Variants in ITPR1 observed in about 807,000 individuals in gnomAD.
The protein encoded by ITPR1 is inositol 1,4,5-trisphosphate receptor type 1, also known as inositol 1,4,5-trisphosphate-gated calcium channel ITPR1.
In ITPR1, 96 loss-of-function variants were observed where a neutral mutation model predicts 318.4. The observed-to-expected ratio is 0.30, with a 90% CI of 0.26 to 0.36. The LOEUF (loss-of-function observed/expected upper bound fraction) is 0.36, where lower values mean the gene tolerates loss of function less well. Ranked by LOEUF, ITPR1 falls within the 10% of genes least tolerant of loss-of-function variation. The probability of loss-of-function intolerance (pLI) is 1.00; values close to 1 mark genes in which losing one functional copy is unlikely to be tolerated. For missense variants in ITPR1, 2,440 were observed against 3,460.2 expected, an observed-to-expected ratio of 0.71 and a Z score of 7.40; for synonymous variants, 1,312 against 1,289.9, an observed-to-expected ratio of 1.02 and a Z score of -0.37.
At chr3:4,794,601 G>A (rs545547666) in intron 52 of ITPR1, among the ~76,000 whole-genome samples, 1 of 152,272 alleles carries the variant, frequency 6.6e-6, no homozygotes, top group East Asian at 1.9e-4. Flanking sequence ...GGGGCCCAGC[G>A]GGGCTGACTC....
intron 4 of ITPR1, among the ~76,000 whole-genome samples, chr3:4,610,461 G>A (rs143254012): frequency 6.6e-6 from 1 of 152,314 alleles, no homozygotes; most frequent in East Asian, 1.9e-4. Flanking sequence ...GGAGGATCTC[G>A]ATGACCAAGC....
intron 4 of ITPR1, among the ~76,000 whole-genome samples, chr3:4,566,708 C>G (rs886702688): frequency 1.3e-5 from 2 of 151,994 alleles, no homozygotes; most frequent in Non-Finnish European, 2.9e-5. Context: ...AATGCAGATT[C>G]TTTCCTCCAC....
At chr3:4,495,830 A>G (rs77817661) in intron 2 of ITPR1, among the ~76,000 whole-genome samples, 1,600 of 152,302 alleles carry the variant, frequency 0.011, 34 homozygotes, top group African/African-American at 0.036. Flanking sequence ...AATGGACCTC[A>G]GTTGATTTGG....
chr3:4,780,969 A>G (rs1307913184), intron 49 of ITPR1, among the ~76,000 whole-genome samples: 1 of 152,254 alleles, frequency 6.6e-6, no homozygotes, highest in African/African-American at 2.4e-5. Flanking sequence ...TCTGGCTCAT[A>G]GGAGGAGTCA....
chr3:4,527,270 G>T (rs530729151), intron 4 of ITPR1, among the ~76,000 whole-genome samples: 3 of 152,136 alleles, frequency 2.0e-5, no homozygotes, highest in Non-Finnish European at 4.4e-5. Flanking sequence ...TCGACCTTCT[G>T]GGTTCAAACC....
At chr3:4,819,220 C>A (rs922319693) in intron 60 of ITPR1, among the ~76,000 whole-genome samples, 6 of 152,212 alleles carry the variant, frequency 3.9e-5, no homozygotes, top group Non-Finnish European at 8.8e-5. Flanking sequence ...GCCAGCAGGG[C>A]AGCGATTACG....
In ITPR1 at chr3:4,826,630, G is replaced by A. The variant is rs1022716722; in HGVS notation, c.8028+8388G>A. ...GGCAGCTGCACAAAGCAGTTGCTGA[G>A]CTTAAGTTTCCCCACCCAGCCTTAG... On this transcript the variant is annotated intron_variant, in intron 60 of 61. Transcript: ENST00000649015. This position sits in a 1 kb window ranked among gnomAD's most constrained non-coding sequence, Gnocchi z 4.2. 6.6e-6 allele frequency among the ~76,000 whole-genome samples: 1 copy of A among 152,206 alleles called. No homozygotes were observed. The highest frequency in any genetic ancestry group is 2.4e-5 in the African/African-American group (1 of 41,442).
In ITPR1 at chr3:4,710,587, G is replaced by A. The variant is rs895305937; in HGVS notation, c.4991+114G>A. ...TGTTTTTTAACTTTGATGAATGCAA[G>A]GTCATGTGCTAAAGTCCTGTTCTGA... On this transcript the variant is annotated intron_variant, in intron 38 of 61. Transcript: ENST00000649015. The surrounding 1 kb of genome is among the most constrained non-coding windows in gnomAD (Gnocchi z 4.2). 5 of 1,054,828 alleles carry A rather than the reference G, an allele frequency of 4.7e-6. No homozygotes were observed. In the South Asian group the frequency reaches 8.4e-5, roughly 18 times the overall value. 65.3% of individuals were successfully genotyped at this position (1,054,828 alleles called of 1,614,324 possible). A position where few individuals can be genotyped will look rare whatever the true frequency, so the allele number is the denominator to read the frequency against.
chr3:4,799,276 G>C (rs773265570), intron 53 of ITPR1, among the ~76,000 whole-genome samples: 2 of 152,252 alleles, frequency 1.3e-5, no homozygotes, highest in Admixed American at 6.5e-5. Context: ...TAAATGCGTA[G>C]AAAGCGGCAC....
chr3:4,729,751 A>G (rs1361535524), intron 42 of ITPR1, among the ~76,000 whole-genome samples: 1 of 152,182 alleles, frequency 6.6e-6, no homozygotes, highest in African/African-American at 2.4e-5. Flanking sequence ...ATTACAAATG[A>G]CTTTTTCTTT....
chr3:4,762,028 C>T (rs904278774), intron 44 of ITPR1, among the ~76,000 whole-genome samples: 28 of 150,516 alleles, frequency 1.9e-4, no homozygotes, highest in African/African-American at 6.6e-4. Flanking sequence ...TGCCTCCCTT[C>T]GCTCCAAGGG....
chr3:4,713,834 G>A (rs2041563088), intron 39 of ITPR1, among the ~76,000 whole-genome samples: 1 of 152,168 alleles, frequency 6.6e-6, no homozygotes, highest in Non-Finnish European at 1.5e-5. Flanking sequence ...TTCCAGTCTG[G>A]TTAGGGCTGT....
chr3:4,801,020 G>T (rs536670988), intron 54 of ITPR1, among the ~76,000 whole-genome samples: 63 of 152,312 alleles, frequency 4.1e-4, no homozygotes, highest in Non-Finnish European at 7.1e-4. Flanking sequence ...AGGTAAGAGG[G>T]CCTGGCCAAA....
chr3:4,610,379 A>C lies in ITPR1; in HGVS notation c.164-17384A>C, dbSNP rs375435250. The stretch of plus-strand genomic sequence containing the variant: ...AATTGTTTGAATGAGAGAGAAATAA[A>C]ATTGCTTCAAGAGAGACAGTCTGCT... On this transcript the variant is annotated intron_variant, in intron 4 of 61. Transcript: ENST00000649015. 5.3e-5 allele frequency among the ~76,000 whole-genome samples: 8 copies of C among 152,252 alleles called. No individual in the cohort carries two copies. The East Asian group carries it at 1.4e-3, about 26-fold the overall frequency.
intron 44 of ITPR1, among the ~76,000 whole-genome samples, chr3:4,739,218 G>A (rs949611625): frequency 6.6e-6 from 1 of 152,184 alleles, no homozygotes; most frequent in African/African-American, 2.4e-5. Flanking sequence ...GCCTGACTTG[G>A]GCTAAGACCA....
Position 4,536,929 on chromosome 3 carries a change from C to G in ITPR1, c.163+15835C>G, listed in dbSNP as rs115793595. On this transcript the variant is annotated intron_variant, in intron 4 of 61. Coordinates refer to ENST00000649015, the MANE Select transcript of ITPR1 (RefSeq NM_001378452.1). ...TCTTGATTTTGGATGATAGCTTAAA[C>G]TAACCTAAACAAAAGGGGGATTTTT... 1.3e-3 allele frequency among the ~76,000 whole-genome samples: 191 copies of G among 150,232 alleles called. 1 individual carries two copies. Among genetic ancestry groups the G allele is most frequent in the African/African-American group, 4.5e-3 (182 of 40,078 alleles).
chr3:4,716,710 A>G lies in ITPR1; in HGVS notation c.5104-657A>G, dbSNP rs17041299. Among the ~76,000 whole-genome samples, 575 of 152,348 alleles carry G rather than the reference A, an allele frequency of 3.8e-3. 1 individual carries two copies. The highest frequency in any genetic ancestry group is 6.4e-3 in the South Asian group (31 of 4,824). ...TAAAAAATCAGTTGAGGATCATCCA[A>G]CTATCCTTAAACAAGCGTAATTGTG... On this transcript the variant is annotated intron_variant, in intron 39 of 61. Transcript: ENST00000649015.
intron 4 of ITPR1, among the ~76,000 whole-genome samples, chr3:4,558,485 ATGGTAAGGAATGGAAAGACG>A (rs2086359040): frequency 6.6e-6 from 1 of 152,182 alleles, no homozygotes; most frequent in Non-Finnish European, 1.5e-5. Flanking sequence ...TAGACAATAG[ATGGTAAGGAATGGAAAGACG>A]TGGAAAAGTG....
intron 59 of ITPR1, among the ~76,000 whole-genome samples, chr3:4,815,999 C>T (rs1343456158): frequency 6.7e-6 from 1 of 148,678 alleles, no homozygotes; most frequent in Non-Finnish European, 1.5e-5. Context: ...CACACACACA[C>T]ACACACACAC....
Sources: allele counts gnomAD v4.1 joint callset (sites outside exome capture counted in the v4.1 genomes callset), GRCh38; gene constraint gnomAD v4.1.1; non-coding constraint Gnocchi (gnomAD v3.1); transcripts MANE v1.5; gene names NCBI Gene and HGNC (gene_info 2026-07-23, HGNC 2026-07-21).